PLAAT3: variants seen among roughly 807,000 people sequenced by gnomAD.
The protein encoded by PLAAT3 is Ca-independent phospholipase A1/2.
PLAAT3 carries 21 observed loss-of-function variants against 16.7 expected under a neutral mutation model. The ratio of observed to expected loss-of-function variants is 1.26; its 90% confidence interval spans 0.89 to 1.81. The LOEUF is 1.81. Among genes scored for constraint, PLAAT3 ranks in the 40% most tolerant of loss-of-function variants. PLAAT3 has a pLI of 0.00. For missense variants in PLAAT3, 219 were observed against 213.7 expected (o/e 1.02, Z -0.16); for synonymous variants, 76 against 81.7 (o/e 0.93, Z 0.38).
At chr11:63,615,152 A>ATATATG (rs1938819307), upstream of PLAAT3, among the ~76,000 whole-genome samples, 1 of 25,936 alleles carries the variant, frequency 3.9e-5, no homozygotes, top group Non-Finnish European at 1.3e-4. Flanking sequence ...ATATGTGTGT[A>ATATATG]TATATGTGTA....
At chr11:63,600,587 T>TTTTGTTTTGTTTTGTTTTG (rs1555045454) in intron 2 of PLAAT3, among the ~76,000 whole-genome samples, 1 of 148,320 alleles carries the variant, frequency 6.7e-6, no homozygotes, top group African/African-American at 2.5e-5. Flanking sequence ...TTTTTTGTTT[T>TTTTGTTTTGTTTTGTTTTG]TTTTGTTTTG....
chr11:63,607,714 G>A (rs986798544), intron 2 of PLAAT3, among the ~76,000 whole-genome samples: 1 of 151,812 alleles, frequency 6.6e-6, no homozygotes, highest in African/African-American at 2.4e-5. Context: ...CTGGTGGGGA[G>A]GAAGTAGCCT....
rs544864985 is a variant in PLAAT3 at position 63,575,381 on chromosome 11, T to C, written c.388-335A>G. On this transcript the variant is annotated intron_variant, in intron 4 of 4. Coordinates refer to ENST00000415826, the MANE Select transcript of PLAAT3 (RefSeq NM_001128203.2). The stretch of plus-strand genomic sequence containing the variant: ...GATGGTCAAGATCTTGGCTGGCCAA[T>C]GGGGAGCTCTAGAAGCAAAGGTGGA... Among the ~76,000 whole-genome samples the C allele has an allele frequency of 3.3e-5, 5 of 152,314 alleles. No individual in the cohort carries two copies. The East Asian group carries it at 9.6e-4, about 29-fold the overall frequency.
intron 4 of PLAAT3, among the ~76,000 whole-genome samples, chr11:63,581,815 T>C (rs1320593130): frequency 6.6e-6 from 1 of 152,208 alleles, no homozygotes; most frequent in African/African-American, 2.4e-5. Flanking sequence ...CTCTTTCTCT[T>C]TATTTCTCAG....
At chr11:63,614,182 G>A (rs1194602751) in intron 1 of PLAAT3, 114 bp from the exon 2 acceptor site, 3 of 843,540 alleles carry the variant, frequency 3.6e-6, no homozygotes, top group Non-Finnish European at 5.7e-6. Flanking sequence ...CGGACCCCAG[G>A]AACAACCACC....
rs1042937638 is a variant in PLAAT3, at chr11:63,591,897, A to C, written c.119-1529T>G. On this transcript the variant is annotated intron_variant, in intron 3 of 4. Transcript: ENST00000415826. ...AGGCAAGCAAGTTGCCTAGAGCCCA[A>C]AGTTTAAGGAGGCACCAAATCTCAG... Among the ~76,000 whole-genome samples, 163 of 152,312 alleles carry C rather than the reference A, an allele frequency of 1.1e-3. 2 individuals are homozygous for C. Among genetic ancestry groups the C allele is most frequent in the African/African-American group, 3.7e-3 (153 of 41,582 alleles).
chr11:63,589,341 G>GA (rs1343564810), intron 4 of PLAAT3, among the ~76,000 whole-genome samples: 5 of 122,544 alleles, frequency 4.1e-5, no homozygotes, highest in Non-Finnish European at 4.8e-5. Flanking sequence ...ATCATTCACT[G>GA]AAAAAAATAT....
chr11:63,581,065 T>C (rs886166074), intron 4 of PLAAT3, among the ~76,000 whole-genome samples: 30 of 152,238 alleles, frequency 2.0e-4, no homozygotes, highest in Admixed American at 1.7e-3. Context: ...TGCCTGTCTT[T>C]AATCTCTTAA....
intron 3 of PLAAT3, among the ~76,000 whole-genome samples, chr11:63,591,770 G>T (rs1019336716): frequency 6.6e-6 from 1 of 152,202 alleles, no homozygotes; most frequent in African/African-American, 2.4e-5. Flanking sequence ...TAAAAGAGAG[G>T]GTGCCTTATT....
chr11:63,589,888 C>T (rs1169525255), intron 4 of PLAAT3, among the ~76,000 whole-genome samples: 1 of 150,800 alleles, frequency 6.6e-6, no homozygotes, highest in Non-Finnish European at 1.5e-5. Context: ...CCTTGGCCAC[C>T]CACCCCCGCC....
At chr11:63,599,753 G>T (rs1025284816) in intron 2 of PLAAT3, among the ~76,000 whole-genome samples, 1 of 152,022 alleles carries the variant, frequency 6.6e-6, no homozygotes, top group African/African-American at 2.4e-5. Flanking sequence ...AGAGTTTGGG[G>T]ATTCAAGAAT....
chr11:63,600,316 G>A (rs1048815576), intron 2 of PLAAT3, among the ~76,000 whole-genome samples: 3 of 152,040 alleles, frequency 2.0e-5, no homozygotes, highest in East Asian at 1.9e-4. Context: ...AAGTTATTAC[G>A]ATGACAAAAA....
chr11:63,587,265 C>A (rs1938006165), intron 4 of PLAAT3, among the ~76,000 whole-genome samples: 1 of 151,798 alleles, frequency 6.6e-6, no homozygotes, highest in African/African-American at 2.4e-5. Context: ...TAGACCCGTG[C>A]AAGGTAATAA....
At chr11:63,575,912 G>A (rs1442310564) in intron 4 of PLAAT3, among the ~76,000 whole-genome samples, 1 of 152,128 alleles carries the variant, frequency 6.6e-6, no homozygotes, top group Non-Finnish European at 1.5e-5. Flanking sequence ...CCTCCTCCCT[G>A]ACCCCCAAAA....
intron 4 of PLAAT3, among the ~76,000 whole-genome samples, chr11:63,578,802 A>G (rs1479283488): frequency 2.6e-5 from 4 of 151,658 alleles, no homozygotes; most frequent in Non-Finnish European, 4.4e-5. Flanking sequence ...CATTCAGGAC[A>G]TAGGCATGGG....
chr11:63,601,635 G>C (rs1417545079), intron 2 of PLAAT3, among the ~76,000 whole-genome samples: 1 of 152,146 alleles, frequency 6.6e-6, no homozygotes, highest in Non-Finnish European at 1.5e-5. Context: ...ACACTGCGAA[G>C]TGGAAAAATG....
At chr11:63,581,275 TTTC>T (rs1937807196) in intron 4 of PLAAT3, among the ~76,000 whole-genome samples, 1 of 152,226 alleles carries the variant, frequency 6.6e-6, no homozygotes. Flanking sequence ...GAGCCATATT[TTTC>T]TTCTTGCAGA....
intron 4 of PLAAT3, among the ~76,000 whole-genome samples, chr11:63,584,740 G>T (rs971626396): frequency 2.0e-5 from 3 of 151,996 alleles, no homozygotes; most frequent in African/African-American, 7.2e-5. Flanking sequence ...TTGATCTCCT[G>T]ACCTCGTGAT....
intron 3 of PLAAT3, among the ~76,000 whole-genome samples, chr11:63,593,135 G>A (rs1405431749): frequency 2.0e-5 from 3 of 152,186 alleles, no homozygotes; most frequent in South Asian, 2.1e-4. Context: ...GCTGAAGTCA[G>A]TGACGTGATC....
Sources: allele counts gnomAD v4.1 joint callset (sites outside exome capture counted in the v4.1 genomes callset), GRCh38; gene constraint gnomAD v4.1.1; transcripts MANE v1.5; gene names NCBI Gene and HGNC (gene_info 2026-07-23, HGNC 2026-07-21).